RIMS2: variants seen among roughly 807,000 people sequenced by gnomAD.
RIMS2 encodes the protein regulating synaptic membrane exocytosis 2.
Under a neutral mutation model 174.4 loss-of-function variants are expected in RIMS2, and 59 were observed. The ratio of observed to expected loss-of-function variants is 0.34; its 90% confidence interval spans 0.27 to 0.42. The LOEUF (loss-of-function observed/expected upper bound fraction) is 0.42, where lower values mean the gene tolerates loss of function less well. RIMS2 is among the 10% of genes least tolerant of loss of function. RIMS2 has a pLI of 1.00. For missense variants in RIMS2, 1,620 were observed against 1,666.3 expected (o/e 0.97, Z 0.48); for synonymous variants, 606 against 572.5 (o/e 1.06, Z -0.84).
At chr8:104,108,846 G>A (rs1307497639) in intron 19 of RIMS2, among the ~76,000 whole-genome samples, 5 of 151,946 alleles carry the variant, frequency 3.3e-5, no homozygotes, top group Non-Finnish European at 7.4e-5. Context: ...AGTATGAATT[G>A]CTACCTTATA....
At chr8:103,918,555 T>C (rs2077038856) in intron 9 of RIMS2, 68 bp downstream of exon 12, 1 of 1,038,394 alleles carries the variant, frequency 9.6e-7, no homozygotes, top group Non-Finnish European at 1.5e-6. Flanking sequence ...AGATGAAGTA[T>C]TTAACTAGTA....
Position 103,757,037 on chromosome 8 carries a change from G to GAA in RIMS2, c.388-9189_388-9188insAA, listed in dbSNP as rs1408186609. ...AGAGAGAGAGAGAGAGAGAGAGAGA[G>GAA]ATACAGAGAGAGATATTCAGGAGAG... On this transcript the variant is annotated intron_variant, in intron 2 of 23. Transcript: ENST00000504942. Among the ~76,000 whole-genome samples the GAA allele has an allele frequency of 3.2e-3, 482 of 148,888 alleles. 5 individuals are homozygous for GAA. Among genetic ancestry groups the GAA allele is most frequent in the African/African-American group, 0.011 (454 of 39,810 alleles).
chr8:104,034,098 A>G (rs1008879956), intron 19 of RIMS2, among the ~76,000 whole-genome samples: 2 of 152,314 alleles, frequency 1.3e-5, no homozygotes, highest in Non-Finnish European at 1.5e-5. Context: ...GAAAAACTGT[A>G]TGGGAATGAG....
intron 3 of RIMS2, among the ~76,000 whole-genome samples, chr8:103,803,232 G>T (rs2098627226): frequency 6.6e-6 from 1 of 152,012 alleles, no homozygotes; most frequent in East Asian, 1.9e-4. Context: ...TGGAATAACT[G>T]AATAACTTGA....
At chr8:103,743,682 T>C (rs1276102329) in intron 2 of RIMS2, among the ~76,000 whole-genome samples, 1 of 152,188 alleles carries the variant, frequency 6.6e-6, no homozygotes, top group East Asian at 1.9e-4. Flanking sequence ...TTTGGTCAGA[T>C]AGTATGCAAA....
At chr8:103,686,231 C>G (rs2096938815) in intron 1 of RIMS2, among the ~76,000 whole-genome samples, 1 of 151,936 alleles carries the variant, frequency 6.6e-6, no homozygotes, top group Non-Finnish European at 1.5e-5. Context: ...TTTTTTCTTT[C>G]TAGTTTCTTT....
intron 17 of RIMS2, among the ~76,000 whole-genome samples, chr8:104,005,438 A>G (rs890215926): frequency 4.6e-5 from 7 of 152,172 alleles, no homozygotes; most frequent in African/African-American, 1.7e-4. Flanking sequence ...AGTTGAACTA[A>G]ATGTTATTTA....
At position 103,734,290 on chromosome 8, in the gene RIMS2, C is replaced by T. The variant is rs553747360; in HGVS notation, c.388-31937C>T. Among the ~76,000 whole-genome samples the T allele has an allele frequency of 8.3e-5, 12 of 145,206 alleles. No individual in the cohort carries two copies. In the Middle Eastern group the frequency reaches 0.011, roughly 136 times the overall value. ...CCTCCCAAAGTGTTGGGATTACAGG[C>T]GTGAGCCACCACACCTGGCCTAAAA... On this transcript the variant is annotated intron_variant, in intron 2 of 23. Coordinates refer to ENST00000504942, the Ensembl canonical transcript of RIMS2.
intron 3 of RIMS2, among the ~76,000 whole-genome samples, chr8:103,883,263 G>A (rs1439345445): frequency 6.6e-6 from 1 of 151,618 alleles, no homozygotes; most frequent in Non-Finnish European, 1.5e-5. Context: ...GGATTTAATG[G>A]TTATATAGTT....
chr8:104,129,677 T>C (rs1042054317), intron 19 of RIMS2, among the ~76,000 whole-genome samples: 2 of 152,236 alleles, frequency 1.3e-5, no homozygotes, highest in Admixed American at 1.3e-4. Flanking sequence ...GATTTCTTCA[T>C]TTCTTACTGG....
chr8:104,086,524 A>G (rs932635651), intron 19 of RIMS2, among the ~76,000 whole-genome samples: 1 of 152,092 alleles, frequency 6.6e-6, no homozygotes, highest in Non-Finnish European at 1.5e-5. Flanking sequence ...GAGTTCCCAC[A>G]AAGCCAAGCC....
chr8:104,112,446 T>C (rs923745855), intron 19 of RIMS2, among the ~76,000 whole-genome samples: 2 of 152,088 alleles, frequency 1.3e-5, no homozygotes, highest in Non-Finnish European at 2.9e-5. Flanking sequence ...TTCTATATAA[T>C]ACCTACATAC....
intron 3 of RIMS2, among the ~76,000 whole-genome samples, chr8:103,808,880 T>C (rs2098668132): frequency 6.6e-6 from 1 of 152,158 alleles, no homozygotes; most frequent in Non-Finnish European, 1.5e-5. Context: ...AGTGAGATAA[T>C]ATTTTGGGGT....
intron 1 of RIMS2, among the ~76,000 whole-genome samples, chr8:103,623,032 GTC>G (rs1215478097): frequency 7.9e-5 from 12 of 152,282 alleles, no homozygotes; most frequent in Admixed American, 7.2e-4. Context: ...GACACTAACT[GTC>G]TCTGTTTGTT....
chr8:104,140,443 G>A (rs138923183), intron 19 of RIMS2, among the ~76,000 whole-genome samples: 8 of 152,028 alleles, frequency 5.3e-5, no homozygotes, highest in African/African-American at 1.2e-4. Context: ...CCTAAAGCAC[G>A]TGTCCCTTAG....
At chr8:103,826,859 T>G (rs921564969) in intron 3 of RIMS2, among the ~76,000 whole-genome samples, 5 of 151,784 alleles carry the variant, frequency 3.3e-5, no homozygotes, top group Non-Finnish European at 5.9e-5. Context: ...TTTTTTTTTT[T>G]TGTCTTGCTA....
intron 1 of RIMS2, among the ~76,000 whole-genome samples, chr8:103,555,382 G>C (rs1849940606): frequency 6.6e-6 from 1 of 152,146 alleles, no homozygotes; most frequent in African/African-American, 2.4e-5. Flanking sequence ...TGGAAATTAT[G>C]TTGAGAGAAG....
At chr8:103,985,429 G>C (rs1380513046) in intron 16 of RIMS2, among the ~76,000 whole-genome samples, 18 of 120,850 alleles carry the variant, frequency 1.5e-4, no homozygotes, top group Non-Finnish European at 8.0e-5. Context: ...AGCCAGGATT[G>C]TGCCACTGCA....
rs183012302 is a variant in RIMS2, at chr8:103,972,656, C to T, written c.2771-2694C>T. ...CTTGCTGTTCTGTGAACATGTGAGA[C>T]GCACTGCTACCTTGGGGCCTTTTCA... On this transcript the variant is annotated intron_variant, in intron 15 of 23. Coordinates refer to ENST00000504942, the Ensembl canonical transcript of RIMS2. Among the ~76,000 whole-genome samples, 7 of 152,244 alleles carry T rather than the reference C, an allele frequency of 4.6e-5. No homozygotes were observed. The East Asian group carries it at 7.7e-4, about 17-fold the overall frequency.
Sources: gnomAD v4.1 joint callset for allele counts (sites outside exome capture counted in the v4.1 genomes callset) on GRCh38, gnomAD v4.1.1 for gene constraint, MANE v1.5 for transcripts, NCBI Gene and HGNC (gene_info 2026-07-23, HGNC 2026-07-21) for gene names.